Variants in CEP126 observed in about 807,000 individuals in gnomAD.
CEP126 encodes the protein centrosomal protein of 126 kDa.
CEP126 carries 74 observed loss-of-function variants against 107.8 expected under a neutral mutation model. The observed-to-expected ratio is 0.69, with a 90% confidence interval of 0.57 to 0.83. CEP126 has a LOEUF of 0.83. CEP126 is among the 40% of genes least tolerant of loss of function. CEP126 has a pLI of 0.00. For synonymous variants in CEP126, 449 were observed against 446.0 expected (o/e 1.01, Z -0.08); for missense variants, 1,237 against 1,281.9 (o/e 0.96, Z 0.53).
In CEP126 at chr11:101,963,534, T is replaced by G. The variant is rs1941015046; in HGVS notation, c.2499T>G (p.Ile833Met). The change falls in exon 6 of 11, where the codon ATT (isoleucine) becomes ATG (methionine). Residue 833 changes from isoleucine (I) to methionine (M), a missense_variant. Ile to Met is a conservative substitution (Grantham distance 10). Coordinates refer to ENST00000263468, the MANE Select transcript of CEP126 (RefSeq NM_020802.4). Reference sequence around the variant, plus strand: ...CTCCTGAAAATCCTCAAAACATTATTACACATAACTCTTTTAATTCAAAAC... The same window carrying G: ...CTCCTGAAAATCCTCAAAACATTATGACACATAACTCTTTTAATTCAAAAC... ...PVTPENPQNI[I>M]THNSFNSKHV... 1 of 1,613,964 alleles carries G rather than the reference T, an allele frequency of 6.2e-7. No individual in the cohort carries two copies. Among genetic ancestry groups the G allele is most frequent in the African/African-American group, 1.3e-5 (1 of 74,926 alleles).
At position 101,939,477 on chromosome 11, in the gene CEP126, T is replaced by G. The variant is rs573025183; in HGVS notation, c.249-4788T>G. Among the ~76,000 whole-genome samples the G allele has an allele frequency of 4.5e-4, 68 of 152,348 alleles. 1 individual carries two copies. Among genetic ancestry groups the G allele is most frequent in the African/African-American group, 1.6e-3 (68 of 41,586 alleles). On this transcript the variant is annotated intron_variant, in intron 2 of 10. Transcript: ENST00000263468. Reference sequence around the variant, plus strand: ...TCTCAAGCTTTTCCATTCTTTTGCCTTCAGCCCGTGTATATTTGCAATTGG... The same window carrying G: ...TCTCAAGCTTTTCCATTCTTTTGCCGTCAGCCCGTGTATATTTGCAATTGG...
intron 7 of CEP126, among the ~76,000 whole-genome samples, chr11:101,979,245 G>A (rs571794294): frequency 1.3e-5 from 2 of 152,230 alleles, no homozygotes; most frequent in South Asian, 2.1e-4. Flanking sequence ...AAAATTAGAT[G>A]AGTTATATAA....
rs1336428128 is a variant in CEP126, at chr11:101,915,076, G to A, written c.-209G>A. On this transcript the variant is annotated 5_prime_UTR_variant, in exon 1 of 11. Transcript: ENST00000263468. The stretch of plus-strand genomic sequence containing the variant: ...GCCGCCCCATCTGCTATTGCCCGGC[G>A]AGGTCGCCGCTGCCTCAGCTGCCAT... The A allele has an allele frequency of 1.6e-6, 1 of 611,264 alleles. No individual in the cohort carries two copies. Among genetic ancestry groups the A allele is most frequent in the Non-Finnish European group, 2.6e-6 (1 of 378,234 alleles). 37.9% of individuals were successfully genotyped at this position (611,264 alleles called of 1,614,324 possible).
intron 4 of CEP126, among the ~76,000 whole-genome samples, chr11:101,954,525 A>G (rs543637591): frequency 6.6e-6 from 1 of 152,326 alleles, no homozygotes; most frequent in Non-Finnish European, 1.5e-5. Flanking sequence ...TCTTTGTTTT[A>G]TAGAAATGAT....
rs78033590 is a variant in CEP126 at position 101,929,927 on chromosome 11, G to A, written c.248+7167G>A. Among the ~76,000 whole-genome samples, 1,315 of 149,032 alleles carry A rather than the reference G, an allele frequency of 8.8e-3. 7 individuals are homozygous for A. Among genetic ancestry groups the A allele is most frequent in the Middle Eastern group, 0.022 (6 of 278 alleles). ...CCTAAGTTTTCTGTCTAGCTAAGCT[G>A]ATCTTTTCCTTATCCTGAGGCTAGA... On this transcript the variant is annotated intron_variant, in intron 2 of 10. Coordinates refer to ENST00000263468, the MANE Select transcript of CEP126 (RefSeq NM_020802.4).
At chr11:101,991,376 T>C (rs1389535499) in intron 9 of CEP126, among the ~76,000 whole-genome samples, 1 of 151,794 alleles carries the variant, frequency 6.6e-6, no homozygotes, top group Non-Finnish European at 1.5e-5. Flanking sequence ...TCAAAAATTA[T>C]GAGACATACA....
chr11:101,989,609 T>C lies in CEP126; in HGVS notation c.3244+2568T>C, dbSNP rs1009056877. Among the ~76,000 whole-genome samples the C allele has an allele frequency of 2.6e-5, 4 of 152,316 alleles. 1 individual carries two copies. The East Asian group carries it at 7.7e-4, about 29-fold the overall frequency. ...ATAAGTGACAAAAGTATAACTTTTC[T>C]TGAGCCAATTAGAGAGCTGAGGTCA... On this transcript the variant is annotated intron_variant, in intron 9 of 10. Coordinates refer to ENST00000263468, the MANE Select transcript of CEP126 (RefSeq NM_020802.4).
chr11:101,958,460 A>G (rs1349861932), intron 5 of CEP126, 94 bp downstream of exon 5: 2 of 926,100 alleles, frequency 2.2e-6, no homozygotes, highest in Admixed American at 4.4e-5. Flanking sequence ...ATATCTTACT[A>G]GCTGAGAGCA....
At chr11:101,984,044 C>A (rs1423544017) in intron 8 of CEP126, among the ~76,000 whole-genome samples, 2 of 152,194 alleles carry the variant, frequency 1.3e-5, no homozygotes, top group Non-Finnish European at 2.9e-5. Flanking sequence ...CTGAAATTCT[C>A]ATCAAAAATA....
rs1276327024 is a variant in CEP126 at position 101,963,669 on chromosome 11, T to C, written c.2634T>C (p.Tyr878=). 6.2e-7 allele frequency: 1 copy of C among 1,614,154 alleles called. No homozygotes were observed. The highest frequency in any genetic ancestry group is 8.5e-7 in the Non-Finnish European group (1 of 1,180,020). The change falls in exon 6 of 11, where the codon TAT becomes TAC. Residue 878 remains tyrosine (Y), a synonymous_variant. Transcript: ENST00000263468. The part of the protein sequence containing the change: ...LVTVIPSLPS[Y]CSSECQTFAK... The stretch of plus-strand genomic sequence containing the variant: ...CTGTGATACCATCACTGCCATCATA[T>C]TGTTCTTCAGAGTGCCAAACTTTCG...
At chr11:101,980,302 C>T (rs1941240992) in intron 7 of CEP126, among the ~76,000 whole-genome samples, 1 of 152,074 alleles carries the variant, frequency 6.6e-6, no homozygotes, top group Non-Finnish European at 1.5e-5. Context: ...ACATCTTTAC[C>T]CTTATTTTTT....
At chr11:101,953,173 A>G (rs1196686539) in intron 4 of CEP126, among the ~76,000 whole-genome samples, 3 of 151,924 alleles carry the variant, frequency 2.0e-5, no homozygotes, top group East Asian at 1.9e-4. Flanking sequence ...AGATATGTCC[A>G]GTAATAAGAA....
At chr11:101,942,976 A>C (rs1481604826) in intron 2 of CEP126, among the ~76,000 whole-genome samples, 12 of 151,984 alleles carry the variant, frequency 7.9e-5, no homozygotes, top group Admixed American at 6.6e-5. Context: ...AACTTTGCTG[A>C]ATTCATTTAT....
chr11:101,924,195 C>G (rs56800462), intron 2 of CEP126, among the ~76,000 whole-genome samples: 11 of 152,250 alleles, frequency 7.2e-5, no homozygotes, highest in African/African-American at 2.6e-4. Flanking sequence ...TTCCGTTACC[C>G]TAAAGTGCAA....
Position 101,974,371 on chromosome 11 carries a change from A to G in CEP126, c.2846-3976A>G, listed in dbSNP as rs145712054. Among the ~76,000 whole-genome samples, 6 of 152,316 alleles carry G rather than the reference A, an allele frequency of 3.9e-5. No individual in the cohort carries two copies. In the East Asian group the frequency reaches 1.2e-3, roughly 29 times the overall value. ...TTAAAGAAACACAAGCCTAAGAGAT[A>G]TGATAGCTATGTACAAATATTTGAA... On this transcript the variant is annotated intron_variant, in intron 6 of 10. Transcript: ENST00000263468.
chr11:101,940,038 C>T (rs1372032844), intron 2 of CEP126, among the ~76,000 whole-genome samples: 1 of 152,082 alleles, frequency 6.6e-6, no homozygotes, highest in African/African-American at 2.4e-5. Context: ...AAATTGTTCT[C>T]ATTACCAGTG....
intron 6 of CEP126, 23 bp from the exon 7 acceptor site, chr11:101,978,324 C>G: frequency 3.3e-6 from 5 of 1,502,226 alleles, no homozygotes; most frequent in Non-Finnish European, 2.8e-6. Context: ...TAATTTTTAA[C>G]ATTGTGCTGG....
chr11:101,928,512 CTG>C (rs1352736972), intron 2 of CEP126, among the ~76,000 whole-genome samples: 16 of 152,232 alleles, frequency 1.1e-4, no homozygotes, highest in Non-Finnish European at 2.1e-4. Context: ...ACAGTTAAGT[CTG>C]TGATCCAGTT....
At chr11:101,967,025 CTTTTT>C (rs759877416) in intron 6 of CEP126, among the ~76,000 whole-genome samples, 1 of 107,086 alleles carries the variant, frequency 9.3e-6, no homozygotes, top group Non-Finnish European at 1.8e-5. Flanking sequence ...CTCTTTCTTT[CTTTTT>C]TTTTTTTTTT....
Sources: allele counts gnomAD v4.1 joint callset (sites outside exome capture counted in the v4.1 genomes callset), GRCh38; gene constraint gnomAD v4.1.1; transcripts MANE v1.5; gene names NCBI Gene and HGNC (gene_info 2026-07-23, HGNC 2026-07-21).